Variants in TANK observed in about 807,000 individuals in gnomAD.
TANK encodes TRAF family member associated NFKB activator, also known as TRAF family member-associated NF-kappa-B activator.
A neutral mutation model predicts 43.6 loss-of-function variants in TANK; 15 were observed. The ratio of observed to expected loss-of-function variants is 0.34; its 90% confidence interval spans 0.23 to 0.53. The LOEUF is 0.53. Among genes scored for constraint, TANK ranks in the 20% least tolerant of loss-of-function variants. The probability of loss-of-function intolerance (pLI) is 0.94; values close to 1 mark genes in which losing one functional copy is unlikely to be tolerated. For missense variants in TANK, 417 were observed against 498.6 expected, an observed-to-expected ratio of 0.84 and a Z score of 1.56; for synonymous variants, 162 against 178.2, an observed-to-expected ratio of 0.91 and a Z score of 0.73.
In TANK at chr2:161,204,017, A is replaced by T. The variant is rs115301763; in HGVS notation, c.208+422A>T. ...CTAGAAACAAATATTCAGTAGTTACACTGATCTATATGAATAGCTATGTAG... is the reference window on the plus strand; with the variant it reads ...CTAGAAACAAATATTCAGTAGTTACTCTGATCTATATGAATAGCTATGTAG... On this transcript the variant is annotated intron_variant, in intron 3 of 7. Transcript: ENST00000392749. 9.6e-3 allele frequency among the ~76,000 whole-genome samples: 1,461 copies of T among 152,252 alleles called. 24 individuals carry two copies. Among genetic ancestry groups the T allele is most frequent in the African/African-American group, 0.033 (1,382 of 41,564 alleles).
At chr2:161,160,010 T>C (rs1684332920), upstream of TANK, 1 of 162,910 alleles carries the variant, frequency 6.1e-6, no homozygotes, top group African/African-American at 2.4e-5. Context: ...TTCACTCCAG[T>C]TGCTCTGAAA....
At chr2:161,190,008 G>T (rs892566815) in intron 2 of TANK, among the ~76,000 whole-genome samples, 1 of 152,166 alleles carries the variant, frequency 6.6e-6, no homozygotes, top group African/African-American at 2.4e-5. Flanking sequence ...TAAAACTTTT[G>T]TGCGTCAAAG....
intron 2 of TANK, among the ~76,000 whole-genome samples, chr2:161,181,667 T>C (rs1277219938): frequency 1.3e-5 from 2 of 152,058 alleles, no homozygotes; most frequent in African/African-American, 4.8e-5. Context: ...TGAGAACTCA[T>C]TCACTATCAC....
intron 1 of TANK, chr2:161,161,286 A>T (rs1228636348): frequency 4.5e-6 from 7 of 1,550,606 alleles, no homozygotes; most frequent in Non-Finnish European, 5.2e-6. Flanking sequence ...ACCTCACAGG[A>T]GATGCTTTTG....
intron 2 of TANK, among the ~76,000 whole-genome samples, chr2:161,197,066 C>A (rs1686184876): frequency 6.6e-6 from 1 of 152,014 alleles, no homozygotes; most frequent in South Asian, 2.1e-4. Context: ...GGGTATATAC[C>A]AAAATGTCAA....
At chr2:161,137,041 A>C (rs1044301772) in exon 1 of TANK, 1 of 985,384 alleles carries the variant, frequency 1.0e-6, no homozygotes, top group Non-Finnish European at 1.2e-6. Context: ...TCTACAAAGG[A>C]AGACTTGTAA....
chr2:161,231,234 G>C lies in TANK; in HGVS notation c.784G>C (p.Glu262Gln). The C allele has an allele frequency of 6.2e-7, 1 of 1,614,056 alleles. No homozygotes were observed. The highest frequency in any genetic ancestry group is 8.5e-7 in the Non-Finnish European group (1 of 1,180,030). The change falls in exon 7 of 8, where the codon GAG becomes CAG. Residue 262 changes from glutamate (E) to glutamine (Q), a missense_variant. Glu to Gln is a conservative substitution (Grantham distance 29, BLOSUM62 2). Coordinates refer to ENST00000392749, the MANE Select transcript of TANK (RefSeq NM_001199135.3). ...CGGCATCCTTAGTCCTGCCACGTCTGAGGCAGTGTGCCAAGAGAAATTTAA... is the reference window on the plus strand; with the variant it reads ...CGGCATCCTTAGTCCTGCCACGTCTCAGGCAGTGTGCCAAGAGAAATTTAA... ...RPGILSPATS[E>Q]AVCQEKFNME... is the part of the protein sequence containing the mutation.
At chr2:161,196,510 C>G (rs1469374786) in intron 2 of TANK, among the ~76,000 whole-genome samples, 1 of 152,088 alleles carries the variant, frequency 6.6e-6, no homozygotes, top group Non-Finnish European at 1.5e-5. Context: ...AGCCTAGATT[C>G]AAATCTTAGC....
In TANK at chr2:161,229,812, A is replaced by G. The variant is rs538495929; in HGVS notation, c.521-1159A>G. 2.6e-5 allele frequency among the ~76,000 whole-genome samples: 4 copies of G among 152,292 alleles called. No homozygotes were observed. The East Asian group carries it at 7.7e-4, about 29-fold the overall frequency. On this transcript the variant is annotated intron_variant, in intron 6 of 7. Transcript: ENST00000392749. ...TAATGTCTCCATTTGTGAATGTTCA[A>G]CAGTGCTGATGACAATCCTTAAAAT... is the stretch of plus-strand genomic sequence containing the variant.
upstream of TANK, among the ~76,000 whole-genome samples, chr2:161,158,419 A>T (rs76306722): frequency 0.022 from 3,367 of 152,376 alleles, 55 homozygotes; most frequent in Middle Eastern, 0.058. Flanking sequence ...TTTAGCATTG[A>T]TTACAAAATA....
chr2:161,158,598 C>T (rs554561161), upstream of TANK, among the ~76,000 whole-genome samples: 39 of 152,302 alleles, frequency 2.6e-4, no homozygotes, highest in Middle Eastern at 3.4e-3. Context: ...TTCAAAATGC[C>T]TATGCATTCA....
intron 6 of TANK, among the ~76,000 whole-genome samples, chr2:161,230,604 CTTAT>C (rs1280255134): frequency 6.6e-6 from 1 of 152,154 alleles, no homozygotes; most frequent in East Asian, 1.9e-4. Flanking sequence ...CTTTTAACAA[CTTAT>C]TTGTCTAAGC....
intron 1 of TANK, among the ~76,000 whole-genome samples, chr2:161,144,189 A>G (rs10199580): frequency 0.031 from 4,669 of 151,824 alleles, 220 homozygotes; most frequent in African/African-American, 0.1. Context: ...TGTCTATTTG[A>G]GTCTTCTCTC....
intron 1 of TANK, among the ~76,000 whole-genome samples, chr2:161,150,782 G>A (rs564898626): frequency 1.3e-5 from 2 of 151,922 alleles, no homozygotes; most frequent in East Asian, 3.9e-4. Context: ...GTAGAGCCAA[G>A]GTTTCACCAT....
At chr2:161,149,381 C>T (rs773247076) in intron 1 of TANK, among the ~76,000 whole-genome samples, 7 of 152,266 alleles carry the variant, frequency 4.6e-5, no homozygotes, top group Middle Eastern at 3.4e-3. Flanking sequence ...TAGTAGCTTT[C>T]TTGTGAATAC....
At chr2:161,160,163 CAA>C (rs111714793), upstream of TANK, 27 of 369,840 alleles carry the variant, frequency 7.3e-5, no homozygotes, top group African/African-American at 1.5e-4. Flanking sequence ...AAAAATCCAG[CAA>C]AGACTCACAA....
intron 2 of TANK, among the ~76,000 whole-genome samples, chr2:161,182,118 A>T (rs1018471485): frequency 6.6e-6 from 1 of 151,910 alleles, no homozygotes; most frequent in African/African-American, 2.4e-5. Context: ...AGGCATAACC[A>T]TTTTTATTAA....
At chr2:161,214,644 T>TA (rs1687039887) in intron 4 of TANK, among the ~76,000 whole-genome samples, 1 of 152,208 alleles carries the variant, frequency 6.6e-6, no homozygotes, top group South Asian at 2.1e-4. Flanking sequence ...GCCAACACAG[T>TA]AAAAAATGCA....
At position 161,179,605 on chromosome 2, in the gene TANK, ATTTTGCAGACCTG is replaced by A. The variant is rs746908876; in HGVS notation, c.-49-7_-44del. On this transcript the variant is annotated splice_acceptor_variant and splice_polypyrimidine_tract_variant and 5_prime_UTR_variant and intron_variant, in exon 2 of 8. Coordinates refer to ENST00000392749, the MANE Select transcript of TANK (RefSeq NM_001199135.3). LOFTEE classifies it low-confidence loss of function (5UTR_SPLICE). ...AGTAATTATCTAAATTGATCTCATT[ATTTTGCAGACCTG>A]TCATTTACTCCATCCTTTATAGTGA... is the stretch of plus-strand genomic sequence containing the variant. 3 of 1,593,990 alleles carry A rather than the reference ATTTTGCAGACCTG, an allele frequency of 1.9e-6. No homozygotes were observed. The highest frequency in any genetic ancestry group is 2.6e-6 in the Non-Finnish European group (3 of 1,169,780).
Sources: allele counts gnomAD v4.1 joint callset (sites outside exome capture counted in the v4.1 genomes callset), GRCh38; gene constraint gnomAD v4.1.1; transcripts MANE v1.5; gene names NCBI Gene and HGNC (gene_info 2026-07-23, HGNC 2026-07-21).